SLC22A4: variants seen among roughly 807,000 people sequenced by gnomAD.
The protein encoded by SLC22A4 is ET transporter.
In SLC22A4, 39 loss-of-function variants were observed where a neutral mutation model predicts 56.6. The observed-to-expected ratio is 0.69, with a 90% CI of 0.53 to 0.90. The LOEUF (loss-of-function observed/expected upper bound fraction) is 0.90. SLC22A4 is among the 40% of genes least tolerant of loss of function. The pLI, the probability that SLC22A4 is intolerant of heterozygous loss-of-function variation, is 0.00. For missense variants in SLC22A4, 594 were observed against 696.5 expected (o/e 0.85, Z 1.66); for synonymous variants, 241 against 281.4 (o/e 0.86, Z 1.44).
intron 1 of SLC22A4, among the ~76,000 whole-genome samples, chr5:132,308,103 G>A (rs144475563): frequency 6.6e-6 from 1 of 152,284 alleles, no homozygotes; most frequent in East Asian, 1.9e-4. Flanking sequence ...GATTATTCAG[G>A]TTTTAGAACT....
At chr5:132,303,016 AAGAT>A (rs1209853803) in intron 1 of SLC22A4, among the ~76,000 whole-genome samples, 1 of 152,268 alleles carries the variant, frequency 6.6e-6, no homozygotes, top group Non-Finnish European at 1.5e-5. Context: ...AACAGCCAAA[AAGAT>A]AACCCACAAA....
At chr5:132,314,409 G>A (rs1227648637) in intron 3 of SLC22A4, among the ~76,000 whole-genome samples, 1 of 152,192 alleles carries the variant, frequency 6.6e-6, no homozygotes, top group Non-Finnish European at 1.5e-5. Context: ...TTTCCTGGGA[G>A]GGAGTTAGGT....
In SLC22A4 at chr5:132,334,749, T is replaced by C; in HGVS notation, c.1078T>C (p.Ser360Pro). Residue 360 changes from serine to proline, a missense_variant, in exon 7 of 10, where the codon TCT becomes CCT. By Grantham distance (74) the Ser-to-Pro change is moderately conservative. Transcript: ENST00000200652. ...MLTSVGYFAL[S>P]LDAPNLHGDA... ...GACCTCAGTGGGTTACTTTGCTCTG[T>C]CTCTGGATGCTCCTAATTTACATGG... 6.2e-7 allele frequency: 1 copy of C among 1,614,068 alleles called. No homozygotes were observed.
chr5:132,332,421 C>T (rs1750888791), intron 6 of SLC22A4: 1 of 156,008 alleles, frequency 6.4e-6, no homozygotes, highest in Admixed American at 6.2e-5. Context: ...TCATTGATGT[C>T]CCTGGGTAAT....
chr5:132,332,465 A>G lies in SLC22A4; in HGVS notation c.1046+615A>G, dbSNP rs73265586. 3.9e-3 allele frequency among the ~76,000 whole-genome samples: 597 copies of G among 152,094 alleles called. 4 individuals are homozygous for G. The highest frequency in any genetic ancestry group is 0.014 in the African/African-American group (571 of 41,452). On this transcript the variant is annotated intron_variant, in intron 6 of 9. Transcript: ENST00000200652. ...CCCCACCAAAAATTATGAGATTAAGACTAATGATGTCCGTGTTGCCTGAGG... is the reference window on the plus strand; with the variant it reads ...CCCCACCAAAAATTATGAGATTAAGGCTAATGATGTCCGTGTTGCCTGAGG...
chr5:132,340,803 C>A, intron 9 of SLC22A4, 103 bp downstream of exon 9: 1 of 1,128,934 alleles, frequency 8.9e-7, no homozygotes, highest in Non-Finnish European at 1.3e-6. Flanking sequence ...TAAGTAGAGA[C>A]TAGCTCTATC....
In SLC22A4 at chr5:132,343,699, A is replaced by G; in HGVS notation, c.1581-61A>G. 8.0e-6 allele frequency: 8 copies of G among 1,002,804 alleles called. 1 individual carries two copies. In the South Asian group the frequency reaches 1.1e-4, roughly 14 times the overall value. The allele number at this position is 1,002,804 out of a possible 1,614,324, so 62.1% of individuals were successfully genotyped here. ...TATTTTTCAATGTCAATTTGGATGG[A>G]GCATTTTGAGGAGGAAAGTCTTGAA... On this transcript the variant is annotated intron_variant, in intron 9 of 9. Coordinates refer to ENST00000200652, the MANE Select transcript of SLC22A4 (RefSeq NM_003059.3).
intron 3 of SLC22A4, among the ~76,000 whole-genome samples, chr5:132,321,476 C>T (rs1414293044): frequency 6.6e-6 from 1 of 152,182 alleles, no homozygotes; most frequent in Non-Finnish European, 1.5e-5. Context: ...CCACATGGCC[C>T]CTCAGAAGAG....
chr5:132,300,697 T>C (rs1157282300), intron 1 of SLC22A4, among the ~76,000 whole-genome samples: 1 of 152,244 alleles, frequency 6.6e-6, no homozygotes, highest in East Asian at 1.9e-4. Context: ...AATGTAGATA[T>C]CCAGGGTAAG....
Position 132,294,953 on chromosome 5 carries a change from T to A in SLC22A4, c.337T>A (p.Cys113Ser). Reference sequence around the variant, plus strand: ...CCTGGGGCAGCTGGAGCAGGAGAGCTGCCTGGATGGCTGGGAGTTCAGCCA... The same window carrying A: ...CCTGGGGCAGCTGGAGCAGGAGAGCAGCCTGGATGGCTGGGAGTTCAGCCA... ...VDLGQLEQES[C>S]LDGWEFSQDV... Residue 113 changes from cysteine to serine, a missense_variant, in exon 1 of 10, where the codon TGC becomes AGC. Cys to Ser is a moderately radical substitution (Grantham distance 112). Coordinates refer to ENST00000200652, the MANE Select transcript of SLC22A4 (RefSeq NM_003059.3). This position sits in a 1 kb window ranked among gnomAD's most constrained non-coding sequence, Gnocchi z 5.6. The A allele has an allele frequency of 6.2e-7, 1 of 1,605,618 alleles. No homozygotes were observed. The highest frequency in any genetic ancestry group is 8.5e-7 in the Non-Finnish European group (1 of 1,176,722).
intron 3 of SLC22A4, among the ~76,000 whole-genome samples, chr5:132,319,413 A>G (rs1343481533): frequency 6.6e-6 from 1 of 152,088 alleles, no homozygotes; most frequent in African/African-American, 2.4e-5. Context: ...GAACTGCTTT[A>G]TAAGGCCAAG....
intron 6 of SLC22A4, among the ~76,000 whole-genome samples, chr5:132,333,853 T>C (rs543011112): frequency 3.1e-4 from 47 of 152,208 alleles, no homozygotes; most frequent in African/African-American, 1.1e-3. Context: ...TCACCCAGCC[T>C]GGAGTGCAAT....
intron 1 of SLC22A4, among the ~76,000 whole-genome samples, chr5:132,297,701 T>C (rs896750574): frequency 6.6e-6 from 1 of 151,606 alleles, no homozygotes; most frequent in Admixed American, 6.6e-5. Context: ...GAAATCCACT[T>C]TGGGAGGCCG....
At chr5:132,321,298 T>C (rs1580834670) in intron 3 of SLC22A4, among the ~76,000 whole-genome samples, 1 of 152,136 alleles carries the variant, frequency 6.6e-6, no homozygotes, top group Non-Finnish European at 1.5e-5. Context: ...GGAAGGCCTG[T>C]CTGTGTACCT....
chr5:132,334,723 T>G lies in SLC22A4; in HGVS notation c.1052T>G (p.Leu351Arg), dbSNP rs1389019783. Residue 351 changes from leucine (L) to arginine (R), a missense_variant, in exon 7 of 10, where the codon CTG becomes CGG. Physicochemically the swap from Leu to Arg is moderately radical, Grantham distance 102. Transcript: ENST00000200652. ...TTTTTACCTTCTTCTTTCAGGATGC[T>G]GACCTCAGTGGGTTACTTTGCTCTG... ...MTIMSLLLWMLTSVGYFALSL... is the reference protein window; with the variant it reads ...MTIMSLLLWMRTSVGYFALSL... The G allele has an allele frequency of 6.2e-7, 1 of 1,611,468 alleles. No homozygotes were observed. The highest frequency in any genetic ancestry group is 1.3e-5 in the African/African-American group (1 of 74,890).
chr5:132,336,881 G>A (rs1326161359), intron 8 of SLC22A4, among the ~76,000 whole-genome samples: 1 of 152,160 alleles, frequency 6.6e-6, no homozygotes, highest in African/African-American at 2.4e-5. Flanking sequence ...GATCCTCCTG[G>A]GAGAGGGGAG....
At chr5:132,308,752 G>A (rs748959557) in intron 1 of SLC22A4, among the ~76,000 whole-genome samples, 2 of 152,164 alleles carry the variant, frequency 1.3e-5, no homozygotes, top group Non-Finnish European at 2.9e-5. Context: ...CCTTGGTCTG[G>A]GACCCTGCTG....
At chr5:132,298,915 C>T (rs1420452083) in intron 1 of SLC22A4, among the ~76,000 whole-genome samples, 2 of 152,202 alleles carry the variant, frequency 1.3e-5, no homozygotes, top group Non-Finnish European at 2.9e-5. Context: ...AGGCTGAGCC[C>T]CTCTCCCCAC....
At chr5:132,327,459 G>GA in intron 5 of SLC22A4, 56 bp downstream of exon 5, 1 of 1,507,336 alleles carries the variant, frequency 6.6e-7, no homozygotes, top group Non-Finnish European at 9.2e-7. Flanking sequence ...TGATTTTATG[G>GA]AATTTAACTT....
Sources: gnomAD v4.1 joint callset for allele counts (sites outside exome capture counted in the v4.1 genomes callset) on GRCh38, gnomAD v4.1.1 for gene constraint, Gnocchi (gnomAD v3.1) non-coding constraint, MANE v1.5 for transcripts, NCBI Gene and HGNC (gene_info 2026-07-23, HGNC 2026-07-21) for gene names.